Variants in SYNCRIP observed in about 807,000 individuals in gnomAD.
SYNCRIP encodes synaptotagmin binding cytoplasmic RNA interacting protein, also known as heterogeneous nuclear ribonucleoprotein Q.
A neutral mutation model predicts 68.9 loss-of-function variants in SYNCRIP; 9 were observed. The observed-to-expected ratio is 0.13, with a 90% CI of 0.08 to 0.23. The LOEUF (loss-of-function observed/expected upper bound fraction) is 0.23, where lower values mean the gene tolerates loss of function less well. Ranked by LOEUF, SYNCRIP falls within the 10% of genes least tolerant of loss-of-function variation. SYNCRIP has a pLI of 1.00. For synonymous variants in SYNCRIP, 258 were observed against 254.0 expected, an observed-to-expected ratio of 1.02 and a Z score of -0.15; for missense variants, 414 against 770.6, an observed-to-expected ratio of 0.54 and a Z score of 5.48.
chr6:85,640,591 T>C, intron 2 of SYNCRIP, 27 bp from the exon 3 acceptor site: 1 of 1,432,562 alleles, frequency 7.0e-7, no homozygotes, highest in South Asian at 1.3e-5. Flanking sequence ...TTATCAGCTT[T>C]TAATATTTTT....
chr6:85,635,389 ATTCT>A lies in SYNCRIP; in HGVS notation c.666+1574_666+1577del, dbSNP rs1416086620. On this transcript the variant is annotated intron_variant, in intron 6 of 10. Coordinates refer to ENST00000369622, the MANE Select transcript of SYNCRIP (RefSeq NM_006372.5). ...TCAAATTCTCTTTGTAAAGGCTTAT[ATTCT>A]TTCAAGTAACATAATTTTGTACTGT... Among the ~76,000 whole-genome samples the A allele has an allele frequency of 3.3e-5, 5 of 152,338 alleles. No individual in the cohort carries two copies. The East Asian group carries it at 7.7e-4, about 23-fold the overall frequency.
Position 85,622,642 on chromosome 6 carries a change from T to C in SYNCRIP, c.848A>G (p.Lys283Arg). 6.2e-7 allele frequency: 1 copy of C among 1,614,234 alleles called. No homozygotes were observed. The highest frequency in any genetic ancestry group is 8.5e-7 in the Non-Finnish European group (1 of 1,180,036). The change falls in exon 8 of 11, where the codon AAA becomes AGA. Residue 283 changes from lysine (K) to arginine (R), a missense_variant. Lys to Arg is a conservative substitution (Grantham distance 26). This residue lies in a region of SYNCRIP where 110 missense variants were observed against 269.3 expected (regional missense o/e 0.41). Transcript: ENST00000369622. ...AAGAAAGCAAAAGCCTCTGTTTTTT[T>C]TCTTGTCATCCGGTTGGTGGTATAA... ...VILYHQPDDK[K>R]KNRGFCFLEY...
chr6:85,619,512 T>A, intron 8 of SYNCRIP, 95 bp from the exon 9 acceptor site: 1 of 1,103,322 alleles, frequency 9.1e-7, no homozygotes. Context: ...CAAATCACAA[T>A]CCATTAGAAG....
intron 8 of SYNCRIP, among the ~76,000 whole-genome samples, chr6:85,621,556 G>A (rs1583262600): frequency 6.7e-6 from 1 of 148,350 alleles, no homozygotes; most frequent in South Asian, 2.1e-4. Context: ...AGTCAGCTAT[G>A]ATCATGCCCC....
At chr6:85,617,084 C>A (rs1404344408) in intron 10 of SYNCRIP, among the ~76,000 whole-genome samples, 3 of 151,908 alleles carry the variant, frequency 2.0e-5, no homozygotes, top group Non-Finnish European at 4.4e-5. Flanking sequence ...GTGAATGACC[C>A]CAAGGAAGTT....
At position 85,614,301 on chromosome 6, in the gene SYNCRIP, C is replaced by CA. The variant is rs750518122; in HGVS notation, c.*454dup. The CA allele has an allele frequency of 7.8e-5, 77 of 986,142 alleles. No homozygotes were observed. Among genetic ancestry groups the CA allele is most frequent in the Non-Finnish European group, 9.3e-5 (77 of 830,206 alleles). 61.1% of individuals were successfully genotyped at this position (986,142 alleles called of 1,614,324 possible). A position where few individuals can be genotyped will look rare whatever the true frequency, so the allele number is the denominator to read the frequency against. ...ATGGTTTTGAAAACCCAAATTAGGTCAAAGTTCTAAATTAAAAATAGCAGT... is the reference window on the plus strand; with the variant it reads ...ATGGTTTTGAAAACCCAAATTAGGTCAAAAGTTCTAAATTAAAAATAGCAGT... On this transcript the variant is annotated 3_prime_UTR_variant, in exon 11 of 11. Coordinates refer to ENST00000369622, the MANE Select transcript of SYNCRIP (RefSeq NM_006372.5).
chr6:85,615,266 A>G lies in SYNCRIP; in HGVS notation c.1362T>C (p.Tyr454=), dbSNP rs1271470622. Residue 454 remains tyrosine (Y), a synonymous_variant, in exon 11 of 11, where the codon TAT becomes TAC. Transcript: ENST00000369622. Reference sequence around the variant, plus strand: ...ATCCATAATAATCTGGAGGATATCCATAACCACCTCTACCTCCACGCCCTC... The same window carrying G: ...ATCCATAATAATCTGGAGGATATCCGTAACCACCTCTACCTCCACGCCCTC... ...RGRGRGGRGG[Y]GYPPDYYGYE... 2 of 1,601,142 alleles carry G rather than the reference A, an allele frequency of 1.2e-6. No homozygotes were observed. Among genetic ancestry groups the G allele is most frequent in the Non-Finnish European group, 1.7e-6 (2 of 1,170,700 alleles).
At chr6:85,610,903 CG>C (rs1562066181), downstream of SYNCRIP, 1 of 151,894 alleles carries the variant, frequency 6.6e-6, no homozygotes, top group African/African-American at 2.4e-5. Context: ...TAAAAAAGCA[CG>C]GGGTAATATA....
downstream of SYNCRIP, chr6:85,612,701 G>A (rs917831164): frequency 3.9e-6 from 2 of 516,740 alleles, no homozygotes; most frequent in Admixed American, 8.1e-5. Flanking sequence ...AATTGTTAAA[G>A]AAATTCATAT....
At chr6:85,613,510 T>C (rs1316669713), downstream of SYNCRIP, among the ~76,000 whole-genome samples, 6 of 152,146 alleles carry the variant, frequency 3.9e-5, no homozygotes, top group Non-Finnish European at 8.8e-5. Context: ...CCCAAAACTC[T>C]AACATTTTCC....
chr6:85,633,381 A>AG (rs1808056712), intron 6 of SYNCRIP, among the ~76,000 whole-genome samples: 1 of 152,208 alleles, frequency 6.6e-6, no homozygotes, highest in Non-Finnish European at 1.5e-5. Context: ...GACTGGGGTC[A>AG]GGAGTTTGAG....
Position 85,619,434 on chromosome 6 carries a change from AC to A in SYNCRIP, c.1009-18del, listed in dbSNP as rs772447167. ...CACTTTTACCTAGGGGGAAGAAAAT[AC>A]CCCCCTGTATTATTTCCAAAGAGTT... On this transcript the variant is annotated intron_variant, in intron 8 of 10. Transcript: ENST00000369622. The A allele has an allele frequency of 1.4e-4, 231 of 1,604,692 alleles. No individual in the cohort carries two copies. Among genetic ancestry groups the A allele is most frequent in the Non-Finnish European group, 1.9e-4 (223 of 1,176,906 alleles).
chr6:85,612,633 G>T (rs1014455423), downstream of SYNCRIP: 3 of 337,936 alleles, frequency 8.9e-6, no homozygotes, highest in Non-Finnish European at 1.1e-5. Flanking sequence ...AAGGATTTCT[G>T]TTGGAACACA....
intron 7 of SYNCRIP, among the ~76,000 whole-genome samples, chr6:85,623,557 G>A (rs1410946465): frequency 1.1e-4 from 2 of 18,970 alleles, no homozygotes; most frequent in South Asian, 2.3e-3. Context: ...AAGCAAGACT[G>A]TCTCCAAAAA....
At chr6:85,642,656 G>A (rs1005321014) in intron 1 of SYNCRIP, 141 bp downstream of exon 1, 2 of 152,776 alleles carry the variant, frequency 1.3e-5, no homozygotes, top group African/African-American at 2.4e-5. Context: ...CCTACTCCCA[G>A]GCAGCCCCAG....
intron 1 of SYNCRIP, among the ~76,000 whole-genome samples, chr6:85,642,501 G>C (rs1562120187): frequency 6.6e-6 from 1 of 152,094 alleles, no homozygotes; most frequent in Non-Finnish European, 1.5e-5. Context: ...GCGCCGCGGC[G>C]ACCGCCACGA....
chr6:85,614,393 T>C lies in SYNCRIP; in HGVS notation c.*363A>G, dbSNP rs931708283. Reference sequence around the variant, plus strand: ...CATACAAAGTTATTCTGATACAAGATATTAAAGACACACTTGGTTTTAATC... The same window carrying C: ...CATACAAAGTTATTCTGATACAAGACATTAAAGACACACTTGGTTTTAATC... On this transcript the variant is annotated 3_prime_UTR_variant, in exon 11 of 11. Coordinates refer to ENST00000369622, the MANE Select transcript of SYNCRIP (RefSeq NM_006372.5). 3.0e-6 allele frequency: 3 copies of C among 1,001,574 alleles called. No individual in the cohort carries two copies. Among genetic ancestry groups the C allele is most frequent in the African/African-American group, 3.5e-5 (2 of 57,912 alleles). 62.0% of individuals were successfully genotyped at this position (1,001,574 alleles called of 1,614,324 possible). A position where few individuals can be genotyped will look rare whatever the true frequency, so the allele number is the denominator to read the frequency against.
chr6:85,630,340 A>AAC (rs1482183752), intron 6 of SYNCRIP, among the ~76,000 whole-genome samples: 24 of 152,320 alleles, frequency 1.6e-4, no homozygotes, highest in African/African-American at 5.3e-4. Flanking sequence ...CAGCCTGGGC[A>AAC]ACAGAGCGAG....
chr6:85,622,444 A>T, intron 8 of SYNCRIP, 38 bp downstream of exon 8: 1 of 1,573,282 alleles, frequency 6.4e-7, no homozygotes, highest in Non-Finnish European at 8.7e-7. Context: ...TTCTCCCATT[A>T]ATCCCTCAAA....
Sources: gnomAD v4.1 joint callset for allele counts (sites outside exome capture counted in the v4.1 genomes callset) on GRCh38, gnomAD v4.1.1 for gene constraint, gnomAD v4.1.1 regional missense constraint, MANE v1.5 for transcripts, NCBI Gene and HGNC (gene_info 2026-07-23, HGNC 2026-07-21) for gene names.